Variants in KLF12 observed in about 807,000 individuals in gnomAD.
KLF12 encodes Krueppel-like factor 12.
In KLF12, 9 loss-of-function variants were observed where a neutral mutation model predicts 37.8. The ratio of observed to expected loss-of-function variants is 0.24; its 90% CI spans 0.14 to 0.42. KLF12 has a LOEUF of 0.42. Among genes scored for constraint, KLF12 ranks in the 10% least tolerant of loss-of-function variants. The pLI, the probability that KLF12 is intolerant of heterozygous loss-of-function variation, is 1.00. For missense variants in KLF12, 411 were observed against 516.0 expected, an observed-to-expected ratio of 0.80 and a Z score of 1.97; for synonymous variants, 208 against 202.1, an observed-to-expected ratio of 1.03 and a Z score of -0.25.
intron 6 of KLF12, among the ~76,000 whole-genome samples, chr13:73,735,786 T>C (rs1344599283): frequency 6.6e-6 from 1 of 152,034 alleles, no homozygotes; most frequent in African/African-American, 2.4e-5. Flanking sequence ...AACAACTCTA[T>C]GAGATTGATA....
chr13:74,258,220 T>C, the KLF12 span: 3 of 149,826 alleles, frequency 2.0e-5, no homozygotes, highest in African/African-American at 7.3e-5. Flanking sequence ...AACCAAAGTT[T>C]CCTATTATTT....
At chr13:74,290,455 G>T in the KLF12 span, among the ~76,000 whole-genome samples, 1 of 152,136 alleles carries the variant, frequency 6.6e-6, no homozygotes, top group African/African-American at 2.4e-5. Context: ...AAAGACTGCC[G>T]CATATTACTC....
At chr13:73,813,463 T>C (rs1396676836) in intron 4 of KLF12, among the ~76,000 whole-genome samples, 176 bp from the exon 5 acceptor site, 1 of 152,232 alleles carries the variant, frequency 6.6e-6, no homozygotes, top group Admixed American at 6.5e-5. Context: ...CTGATTCTTT[T>C]TCCCTTCATT....
intron 1 of KLF12, among the ~76,000 whole-genome samples, chr13:74,054,375 C>A (rs1873120490): frequency 6.6e-6 from 1 of 152,104 alleles, no homozygotes; most frequent in South Asian, 2.1e-4. Context: ...TAGTCAGAAG[C>A]TGGAGTTTTT....
chr13:74,180,728 G>A, the KLF12 span, among the ~76,000 whole-genome samples: 5 of 152,212 alleles, frequency 3.3e-5, no homozygotes, highest in East Asian at 7.7e-4. Flanking sequence ...AGTAGATCAG[G>A]TTTGGACTCC....
At chr13:73,834,786 A>C (rs1416471873) in intron 4 of KLF12, among the ~76,000 whole-genome samples, 1 of 152,212 alleles carries the variant, frequency 6.6e-6, no homozygotes, top group Non-Finnish European at 1.5e-5. Flanking sequence ...TGCTGAAATT[A>C]CAGGCGTGAG....
chr13:73,734,259 G>A (rs1338121803), intron 6 of KLF12, among the ~76,000 whole-genome samples: 1 of 151,980 alleles, frequency 6.6e-6, no homozygotes, highest in Non-Finnish European at 1.5e-5. Context: ...AGCCTCTCCT[G>A]ACCCCTGCAC....
At chr13:74,237,529 G>A in the KLF12 span, among the ~76,000 whole-genome samples, 1 of 146,042 alleles carries the variant, frequency 6.8e-6, no homozygotes, top group Non-Finnish European at 1.5e-5. Flanking sequence ...AAATTACCTT[G>A]GGCAGTATGG....
intron 3 of KLF12, among the ~76,000 whole-genome samples, chr13:73,871,300 G>A (rs1321105662): frequency 6.6e-6 from 1 of 152,110 alleles, no homozygotes; most frequent in Non-Finnish European, 1.5e-5. Flanking sequence ...AATCAATGAT[G>A]GGGAGGCAGA....
In KLF12 at chr13:74,032,151, G is replaced by T. The variant is rs937691155; in HGVS notation, c.-31-37098C>A. The stretch of plus-strand genomic sequence containing the variant: ...TGGTGCACTATAAAAATACAGTTTG[G>T]AAAGTGAAAATAAAACCTACGATAT... On this transcript the variant is annotated intron_variant, in intron 1 of 7. Coordinates refer to ENST00000377669, the MANE Select transcript of KLF12 (RefSeq NM_007249.5). 3.3e-5 allele frequency among the ~76,000 whole-genome samples: 5 copies of T among 152,126 alleles called. No individual in the cohort carries two copies. The East Asian group carries it at 7.7e-4, about 23-fold the overall frequency.
chr13:74,139,994 A>G, the KLF12 span, among the ~76,000 whole-genome samples: 4 of 152,154 alleles, frequency 2.6e-5, no homozygotes, highest in African/African-American at 9.7e-5. Flanking sequence ...CCTAGGTATT[A>G]TATTAAGATG....
At chr13:73,748,928 G>T (rs938442467) in intron 6 of KLF12, among the ~76,000 whole-genome samples, 1 of 152,068 alleles carries the variant, frequency 6.6e-6, no homozygotes, top group Non-Finnish European at 1.5e-5. Context: ...AGTTTTAAAG[G>T]CCTTGGAAAA....
chr13:73,767,252 G>A (rs577607081), intron 5 of KLF12, among the ~76,000 whole-genome samples: 1 of 152,124 alleles, frequency 6.6e-6, no homozygotes, highest in Non-Finnish European at 1.5e-5. Context: ...ACATATAGAA[G>A]CCAGGCAGGT....
At chr13:73,751,213 G>GAATGAGAAGACTGAGGTTAGGGAA (rs1878734756) in intron 6 of KLF12, among the ~76,000 whole-genome samples, 1 of 152,136 alleles carries the variant, frequency 6.6e-6, no homozygotes, top group Admixed American at 6.6e-5. Flanking sequence ...ATGAGTGCAG[G>GAATGAGAAGACTGAGGTTAGGGAA]TATCTTTTTG....
intron 1 of KLF12, among the ~76,000 whole-genome samples, chr13:74,056,613 C>G (rs978752621): frequency 6.6e-6 from 1 of 152,084 alleles, no homozygotes; most frequent in African/African-American, 2.4e-5. Context: ...CAAATAGGCT[C>G]AGAAAAGTAA....
chr13:74,189,297 C>T, the KLF12 span, among the ~76,000 whole-genome samples: 3 of 152,116 alleles, frequency 2.0e-5, no homozygotes, highest in Non-Finnish European at 2.9e-5. Context: ...AGTTTTTCTT[C>T]GGTTTTGTAA....
intron 5 of KLF12, among the ~76,000 whole-genome samples, chr13:73,779,419 G>T (rs1880825083): frequency 6.6e-6 from 1 of 152,164 alleles, no homozygotes; most frequent in Non-Finnish European, 1.5e-5. Context: ...TCCCTACAGG[G>T]CAGGGTTTGG....
intron 3 of KLF12, among the ~76,000 whole-genome samples, chr13:73,938,253 T>A (rs1380032732): frequency 6.6e-6 from 1 of 152,176 alleles, no homozygotes; most frequent in Non-Finnish European, 1.5e-5. Context: ...CACTAGATCG[T>A]TAGTGTAAAA....
At chr13:73,829,741 CT>C (rs1378193025) in intron 4 of KLF12, among the ~76,000 whole-genome samples, 2 of 152,058 alleles carry the variant, frequency 1.3e-5, no homozygotes, top group African/African-American at 4.8e-5. Flanking sequence ...TCCCCAGTAT[CT>C]TTTCTGGAAT....
Sources: gnomAD v4.1 joint callset for allele counts (sites outside exome capture counted in the v4.1 genomes callset) on GRCh38, gnomAD v4.1.1 for gene constraint, MANE v1.5 for transcripts, NCBI Gene and HGNC (gene_info 2026-07-23, HGNC 2026-07-21) for gene names.